Variants in TTC7B observed in about 807,000 individuals in gnomAD.
TTC7B encodes tetratricopeptide repeat domain 7B.
TTC7B carries 28 observed loss-of-function variants against 106.8 expected under a neutral mutation model. That is an observed-to-expected ratio of 0.26 (90% confidence interval 0.19 to 0.36). The LOEUF (loss-of-function observed/expected upper bound fraction) is 0.36, where lower values mean the gene tolerates loss of function less well. TTC7B is among the 10% of genes least tolerant of loss of function. TTC7B has a pLI of 1.00. For synonymous variants in TTC7B, 405 were observed against 430.6 expected (o/e 0.94, Z 0.74); for missense variants, 862 against 1,076.4 (o/e 0.80, Z 2.79).
At chr14:90,697,022 G>T (rs1210607218) in intron 5 of TTC7B, among the ~76,000 whole-genome samples, 1 of 152,186 alleles carries the variant, frequency 6.6e-6, no homozygotes, top group Admixed American at 6.5e-5. Context: ...CAAAGGATGG[G>T]AATGGATATG....
chr14:90,736,694 G>C (rs1186532582), intron 4 of TTC7B, among the ~76,000 whole-genome samples: 1 of 151,956 alleles, frequency 6.6e-6, no homozygotes, highest in Non-Finnish European at 1.5e-5. Flanking sequence ...AGACCAGCCT[G>C]GGCAACAAAG....
intron 19 of TTC7B, among the ~76,000 whole-genome samples, chr14:90,561,260 G>A (rs969905172): frequency 6.6e-6 from 1 of 152,228 alleles, no homozygotes; most frequent in Non-Finnish European, 1.5e-5. Flanking sequence ...TCACTCAGAA[G>A]GTCACTGGCC....
intron 19 of TTC7B, among the ~76,000 whole-genome samples, chr14:90,544,179 C>T (rs780609149): frequency 2.0e-5 from 3 of 152,230 alleles, no homozygotes; most frequent in Non-Finnish European, 2.9e-5. Context: ...GGCCACGCTG[C>T]CTCAGGTAGA....
intron 5 of TTC7B, among the ~76,000 whole-genome samples, chr14:90,723,588 G>A (rs1333218609): frequency 6.6e-6 from 1 of 152,160 alleles, no homozygotes; most frequent in Non-Finnish European, 1.5e-5. Context: ...ACTCCTTGGA[G>A]CTCTCTTTCC....
At chr14:90,626,347 C>T (rs1595219864) in intron 15 of TTC7B, among the ~76,000 whole-genome samples, 5 of 152,226 alleles carry the variant, frequency 3.3e-5, no homozygotes, top group Admixed American at 3.3e-4. Flanking sequence ...GGAAGGCCAC[C>T]CCTGCCCGTG....
chr14:90,763,666 G>A (rs1476029147), intron 3 of TTC7B, among the ~76,000 whole-genome samples: 2 of 152,046 alleles, frequency 1.3e-5, no homozygotes, highest in Non-Finnish European at 2.9e-5. Flanking sequence ...CAGGGTTAAA[G>A]GATACAAGAT....
intron 3 of TTC7B, among the ~76,000 whole-genome samples, chr14:90,778,843 C>A (rs150427740): frequency 6.6e-6 from 1 of 152,308 alleles, no homozygotes; most frequent in African/African-American, 2.4e-5. Context: ...ATTAGAGGAG[C>A]CTGGCAGTAC....
chr14:90,815,876 T>C (rs934682761), intron 1 of TTC7B, among the ~76,000 whole-genome samples: 20 of 151,580 alleles, frequency 1.3e-4, no homozygotes. Flanking sequence ...GTGGTCCCAG[T>C]GGAGCAGCGG....
intron 15 of TTC7B, among the ~76,000 whole-genome samples, chr14:90,623,292 AACG>A (rs1304795233): frequency 3.3e-5 from 5 of 152,204 alleles, no homozygotes; most frequent in Non-Finnish European, 7.3e-5. Flanking sequence ...CCAGATTCTT[AACG>A]ACAACCCTGC....
intron 1 of TTC7B, among the ~76,000 whole-genome samples, chr14:90,810,680 G>A (rs2030849905): frequency 1.3e-5 from 2 of 152,230 alleles, no homozygotes; most frequent in Non-Finnish European, 2.9e-5. Flanking sequence ...TCCCAGAGGG[G>A]TTCCTTGACA....
intron 1 of TTC7B, among the ~76,000 whole-genome samples, chr14:90,803,402 G>T (rs773398324): frequency 6.6e-6 from 1 of 152,182 alleles, no homozygotes; most frequent in African/African-American, 2.4e-5. Context: ...CAACCAAGCA[G>T]GCTGGCCTCA....
intron 13 of TTC7B, 76 bp downstream of exon 13, chr14:90,652,765 A>G: frequency 6.5e-7 from 1 of 1,528,222 alleles, no homozygotes; most frequent in Non-Finnish European, 9.1e-7. Flanking sequence ...ATCTTTATAA[A>G]TATCTCTTCT....
intron 2 of TTC7B, 102 bp from the exon 3 acceptor site, chr14:90,781,008 C>A: frequency 2.0e-6 from 2 of 999,880 alleles, no homozygotes; most frequent in East Asian, 4.9e-5. Flanking sequence ...CACAGCTCCC[C>A]GCACAAGAGC....
At chr14:90,630,084 G>T (rs1884628801) in intron 15 of TTC7B, among the ~76,000 whole-genome samples, 1 of 152,164 alleles carries the variant, frequency 6.6e-6, no homozygotes, top group South Asian at 2.1e-4. Context: ...GAGAAAGGAG[G>T]ATCCTCTCAT....
At chr14:90,686,351 A>G (rs529595226) in intron 7 of TTC7B, among the ~76,000 whole-genome samples, 17 of 152,228 alleles carry the variant, frequency 1.1e-4, no homozygotes, top group Non-Finnish European at 2.4e-4. Flanking sequence ...CATCTATAAA[A>G]GCCCACAGTG....
chr14:90,579,423 T>C (rs1379136563), intron 18 of TTC7B, among the ~76,000 whole-genome samples: 2 of 152,216 alleles, frequency 1.3e-5, no homozygotes, highest in African/African-American at 2.4e-5. Flanking sequence ...GTTATGTGTA[T>C]GTTTGTATGA....
In TTC7B at chr14:90,727,144, G is replaced by A. The variant is rs550812650; in HGVS notation, c.698+2931C>T. ...AGGAGAAAGAGATGCTTTGTGACGC[G>A]CTGTAGATGAGACACGGGGGAAAGC... On this transcript the variant is annotated intron_variant, in intron 5 of 19. Coordinates refer to ENST00000328459, the MANE Select transcript of TTC7B (RefSeq NM_001010854.2). Among the ~76,000 whole-genome samples the A allele has an allele frequency of 3.3e-5, 5 of 152,256 alleles. No homozygotes were observed. In the East Asian group the frequency reaches 5.8e-4, roughly 18 times the overall value.
At chr14:90,791,347 ATATC>A (rs1891579706) in intron 1 of TTC7B, among the ~76,000 whole-genome samples, 1 of 152,108 alleles carries the variant, frequency 6.6e-6, no homozygotes, top group Admixed American at 6.6e-5. Flanking sequence ...GTTGTGCACA[ATATC>A]TGGCACAGAG....
At position 90,807,812 on chromosome 14, in the gene TTC7B, C is replaced by T. The variant is rs1048766507; in HGVS notation, c.121+8363G>A. On this transcript the variant is annotated intron_variant, in intron 1 of 19. Transcript: ENST00000328459. This position sits in a 1 kb window ranked among gnomAD's most constrained non-coding sequence, Gnocchi z 4.1. ...ACTACACTTAGTTTAGTATTTGGCT[C>T]AAAGCATGCTGCATACCTGCAACAC... is the stretch of plus-strand genomic sequence containing the variant. Among the ~76,000 whole-genome samples the T allele has an allele frequency of 1.3e-5, 2 of 152,192 alleles. No homozygotes were observed. Among genetic ancestry groups the T allele is most frequent in the African/African-American group, 4.8e-5 (2 of 41,454 alleles).
Sources: allele counts gnomAD v4.1 joint callset (sites outside exome capture counted in the v4.1 genomes callset), GRCh38; gene constraint gnomAD v4.1.1; non-coding constraint Gnocchi (gnomAD v3.1); transcripts MANE v1.5; gene names NCBI Gene and HGNC (gene_info 2026-07-23, HGNC 2026-07-21).